Variants in GNAQ observed in about 807,000 individuals in gnomAD.
GNAQ encodes the protein G protein subunit alpha q, also known as guanine nucleotide-binding protein G(q) subunit alpha.
A neutral mutation model predicts 43.9 loss-of-function variants in GNAQ; 8 were observed. The ratio of observed to expected loss-of-function variants is 0.18; its 90% CI spans 0.11 to 0.33. The LOEUF (loss-of-function observed/expected upper bound fraction) is 0.33. Ranked by LOEUF, GNAQ falls within the 10% of genes least tolerant of loss-of-function variation. The pLI is 1.00. For synonymous variants in GNAQ, 155 were observed against 170.7 expected (o/e 0.91, Z 0.71); for missense variants, 158 against 450.8 (o/e 0.35, Z 5.88).
intron 2 of GNAQ, among the ~76,000 whole-genome samples, chr9:77,897,985 A>G (rs1262819998): frequency 1.3e-5 from 2 of 151,564 alleles, no homozygotes; most frequent in Non-Finnish European, 2.9e-5. Context: ...CCTTCATTTA[A>G]GATAAAGAAA....
intron 3 of GNAQ, among the ~76,000 whole-genome samples, chr9:77,798,334 T>C (rs759546575): frequency 2.0e-5 from 3 of 152,186 alleles, no homozygotes; most frequent in Non-Finnish European, 4.4e-5. Context: ...TCTTTTGAAA[T>C]AACTTTAGAC....
At chr9:77,821,848 AAG>A (rs1255281627) in intron 2 of GNAQ, among the ~76,000 whole-genome samples, 1 of 151,630 alleles carries the variant, frequency 6.6e-6, no homozygotes, top group Non-Finnish European at 1.5e-5. Context: ...AAAAATTGAA[AAG>A]AGAGATTAAA....
intron 1 of GNAQ, among the ~76,000 whole-genome samples, chr9:77,953,676 AAC>A (rs1370198327): frequency 3.3e-5 from 5 of 152,184 alleles, no homozygotes; most frequent in Admixed American, 2.6e-4. Flanking sequence ...ACAAAATATG[AAC>A]AGATACTTCA....
chr9:78,010,205 T>C lies in GNAQ; in HGVS notation c.136+20895A>G, dbSNP rs1245357192. ...GATTTCATTCCTGCTTTATGAGAAA[T>C]GATGGCAAGAACTCACGATGGTTCA... On this transcript the variant is annotated intron_variant, in intron 1 of 6. Transcript: ENST00000286548. Among the ~76,000 whole-genome samples, 6 of 152,258 alleles carry C rather than the reference T, an allele frequency of 3.9e-5. No individual in the cohort carries two copies. In the East Asian group the frequency reaches 7.7e-4, roughly 20 times the overall value.
intron 1 of GNAQ, among the ~76,000 whole-genome samples, chr9:77,954,209 C>T (rs886785233): frequency 6.6e-6 from 1 of 152,218 alleles, no homozygotes; most frequent in African/African-American, 2.4e-5. Context: ...GCAAGAGGCA[C>T]TGTAACTAGA....
chr9:77,756,657 G>T (rs1005959711), intron 5 of GNAQ, among the ~76,000 whole-genome samples: 1 of 152,192 alleles, frequency 6.6e-6, no homozygotes, highest in Non-Finnish European at 1.5e-5. Context: ...TTCCTTAACA[G>T]AGAAATGCAC....
At chr9:77,933,151 A>G (rs1032494675) in intron 1 of GNAQ, among the ~76,000 whole-genome samples, 1 of 152,194 alleles carries the variant, frequency 6.6e-6, no homozygotes, top group Non-Finnish European at 1.5e-5. Flanking sequence ...GATGAAACAG[A>G]GGATGCGATT....
intron 2 of GNAQ, among the ~76,000 whole-genome samples, chr9:77,904,622 G>A (rs1418258162): frequency 6.6e-6 from 1 of 151,994 alleles, no homozygotes; most frequent in Non-Finnish European, 1.5e-5. Flanking sequence ...GTGAGTCACC[G>A]TGCCCGGCCC....
At chr9:77,764,581 G>A (rs1284490828) in intron 5 of GNAQ, among the ~76,000 whole-genome samples, 4 of 151,676 alleles carry the variant, frequency 2.6e-5, no homozygotes, top group Non-Finnish European at 5.9e-5. Context: ...TCAGCCTCCC[G>A]AGTAACTGGG....
intron 2 of GNAQ, among the ~76,000 whole-genome samples, chr9:77,861,167 A>C (rs917107472): frequency 3.3e-5 from 5 of 152,128 alleles, no homozygotes; most frequent in Non-Finnish European, 5.9e-5. Context: ...AAAGAGAGAG[A>C]GCTTGAGCAG....
At chr9:77,992,103 C>T (rs1462411160) in intron 1 of GNAQ, among the ~76,000 whole-genome samples, 1 of 152,160 alleles carries the variant, frequency 6.6e-6, no homozygotes, top group South Asian at 2.1e-4. Context: ...ACTGCTGGAT[C>T]GAATGGTAGT....
At chr9:77,924,238 A>G (rs188682175) in intron 1 of GNAQ, among the ~76,000 whole-genome samples, 99 of 152,358 alleles carry the variant, frequency 6.5e-4, no homozygotes, top group African/African-American at 1.9e-3. Flanking sequence ...ATAAAAGCAT[A>G]AAGTGGTTGA....
chr9:78,008,251 A>T (rs554919948), intron 1 of GNAQ, among the ~76,000 whole-genome samples: 51 of 152,322 alleles, frequency 3.3e-4, no homozygotes, highest in Admixed American at 7.8e-4. Context: ...TTTTCTGTTA[A>T]AAGTTCCACA....
At chr9:77,800,622 TAGTG>T (rs941279828) in intron 3 of GNAQ, among the ~76,000 whole-genome samples, 1 of 152,138 alleles carries the variant, frequency 6.6e-6, no homozygotes, top group African/African-American at 2.4e-5. Context: ...GATGACGAGT[TAGTG>T]GGTGCAGCGC....
chr9:77,863,328 C>A (rs987375311), intron 2 of GNAQ, among the ~76,000 whole-genome samples: 1 of 152,198 alleles, frequency 6.6e-6, no homozygotes, highest in Non-Finnish European at 1.5e-5. Flanking sequence ...AGGGCAGGGG[C>A]AAAACGTTGC....
Position 78,023,667 on chromosome 9 carries a change from AT to A in GNAQ, c.136+7432del, listed in dbSNP as rs1052876158. Among the ~76,000 whole-genome samples, 73 of 152,130 alleles carry A rather than the reference AT, an allele frequency of 4.8e-4. 1 individual carries two copies. Among genetic ancestry groups the A allele is most frequent in the African/African-American group, 1.7e-3 (70 of 41,430 alleles). On this transcript the variant is annotated intron_variant, in intron 1 of 6. Transcript: ENST00000286548. ...GAAAGAAACAATAAAAATGAAAAAA[AT>A]TTTTCAACATAAAAAAGAAACAAAA...
At chr9:77,801,062 G>T (rs1311233413) in intron 3 of GNAQ, among the ~76,000 whole-genome samples, 1 of 152,214 alleles carries the variant, frequency 6.6e-6, no homozygotes, top group African/African-American at 2.4e-5. Flanking sequence ...TAAAGGGAAA[G>T]TGTGGTTTTC....
At chr9:77,769,982 G>C (rs1292488798) in intron 5 of GNAQ, among the ~76,000 whole-genome samples, 1 of 152,098 alleles carries the variant, frequency 6.6e-6, no homozygotes, top group Non-Finnish European at 1.5e-5. Context: ...AGAACTCTTA[G>C]TGGGGATTGT....
chr9:77,902,190 CA>C (rs1456318172), intron 2 of GNAQ, among the ~76,000 whole-genome samples: 4 of 152,210 alleles, frequency 2.6e-5, no homozygotes, highest in African/African-American at 9.7e-5. Flanking sequence ...ATGAAACTTT[CA>C]GAATGTTCTT....
Sources: gnomAD v4.1 joint callset for allele counts (sites outside exome capture counted in the v4.1 genomes callset) on GRCh38, gnomAD v4.1.1 for gene constraint, MANE v1.5 for transcripts, NCBI Gene and HGNC (gene_info 2026-07-23, HGNC 2026-07-21) for gene names.